WDR49: variants seen among roughly 807,000 people sequenced by gnomAD.
WDR49 encodes cilia- and flagella-associated protein 337.
In WDR49, 107 loss-of-function variants were observed where a neutral mutation model predicts 119.5. That is an observed-to-expected ratio of 0.90 (90% CI 0.77 to 1.05). WDR49 has a LOEUF of 1.05. WDR49 is among the 50% of genes least tolerant of loss of function. WDR49 has a pLI of 0.00. For synonymous variants in WDR49, 425 were observed against 418.8 expected (o/e 1.01, Z -0.18); for missense variants, 1,240 against 1,220.5 (o/e 1.02, Z -0.24).
chr3:167,623,861 G>A (rs1285607169), intron 3 of WDR49, among the ~76,000 whole-genome samples: 4 of 151,958 alleles, frequency 2.6e-5, no homozygotes, highest in Non-Finnish European at 4.4e-5. Context: ...TCAGAAAGAT[G>A]CAGAATATAT....
At chr3:167,517,441 A>C (rs566964680) in intron 16 of WDR49, among the ~76,000 whole-genome samples, 1 of 152,336 alleles carries the variant, frequency 6.6e-6, no homozygotes, top group South Asian at 2.1e-4. Flanking sequence ...TATTTAATAA[A>C]TGGTGCTAGG....
chr3:167,652,517 G>A (rs946011401), intron 2 of WDR49, among the ~76,000 whole-genome samples: 22 of 152,144 alleles, frequency 1.4e-4, no homozygotes, highest in Non-Finnish European at 2.9e-4. Flanking sequence ...CTACGTCATG[G>A]AAGAGCACTT....
At chr3:167,522,612 A>G (rs1232551769) in intron 15 of WDR49, 128 bp from the exon 16 acceptor site, 1 of 858,170 alleles carries the variant, frequency 1.2e-6, no homozygotes. Context: ...GATGAAAAAG[A>G]TATGACTCCG....
At chr3:167,512,134 A>T (rs1248792855) in intron 16 of WDR49, among the ~76,000 whole-genome samples, 1 of 152,160 alleles carries the variant, frequency 6.6e-6, no homozygotes, top group Non-Finnish European at 1.5e-5. Flanking sequence ...AGGGTCCCTG[A>T]TTCTGTGCCT....
intron 8 of WDR49, among the ~76,000 whole-genome samples, chr3:167,567,065 T>C (rs1327748677): frequency 6.6e-6 from 1 of 152,158 alleles, no homozygotes; most frequent in African/African-American, 2.4e-5. Context: ...TTCTTTTCTC[T>C]AAAAATGTTT....
intron 16 of WDR49, among the ~76,000 whole-genome samples, chr3:167,507,624 A>T (rs549168956): frequency 6.6e-6 from 1 of 151,978 alleles, no homozygotes; most frequent in African/African-American, 2.4e-5. Flanking sequence ...TTTTTTTTCC[A>T]AAACACTCTA....
intron 16 of WDR49, among the ~76,000 whole-genome samples, chr3:167,520,257 T>G (rs922593837): frequency 6.6e-6 from 1 of 150,658 alleles, no homozygotes. Flanking sequence ...AAAAAAAAAA[T>G]GTTTAAAGGA....
intron 17 of WDR49, among the ~76,000 whole-genome samples, chr3:167,502,912 T>A (rs959563308): frequency 4.6e-5 from 7 of 152,252 alleles, no homozygotes; most frequent in Non-Finnish European, 8.8e-5. Flanking sequence ...AAGAGAGAAA[T>A]TCAAGCAGGC....
intron 10 of WDR49, among the ~76,000 whole-genome samples, chr3:167,550,597 T>C (rs1185699588): frequency 6.6e-6 from 1 of 151,984 alleles, no homozygotes; most frequent in East Asian, 1.9e-4. Flanking sequence ...GTTAATTAGT[T>C]TGATTTAATC....
chr3:167,657,347 A>C (rs1718629450), upstream of WDR49, among the ~76,000 whole-genome samples: 1 of 152,196 alleles, frequency 6.6e-6, no homozygotes, highest in Admixed American at 6.5e-5. Context: ...GGTCCAAAAA[A>C]GCTTCCAACT....
At chr3:167,513,030 C>A (rs1752046797) in intron 16 of WDR49, among the ~76,000 whole-genome samples, 1 of 152,190 alleles carries the variant, frequency 6.6e-6, no homozygotes, top group South Asian at 2.1e-4. Flanking sequence ...AAACATACTT[C>A]AGGATATCAT....
At chr3:167,529,957 T>C (rs1040543111) in intron 13 of WDR49, among the ~76,000 whole-genome samples, 25 of 152,248 alleles carry the variant, frequency 1.6e-4, no homozygotes, top group African/African-American at 6.0e-4. Flanking sequence ...TAAACAATCA[T>C]ATCTATTTAA....
chr3:167,491,245 G>A (rs558311491), intron 18 of WDR49, among the ~76,000 whole-genome samples: 1 of 152,232 alleles, frequency 6.6e-6, no homozygotes, highest in African/African-American at 2.4e-5. Context: ...GTTCAGCAAT[G>A]AGTGATATTC....
intron 10 of WDR49, among the ~76,000 whole-genome samples, chr3:167,549,033 T>C (rs1712382724): frequency 6.6e-6 from 1 of 152,200 alleles, no homozygotes; most frequent in Non-Finnish European, 1.5e-5. Context: ...CATCCTTTTT[T>C]ATGGCTGCAT....
At chr3:167,564,508 C>T (rs988582979) in intron 8 of WDR49, among the ~76,000 whole-genome samples, 37 of 152,164 alleles carry the variant, frequency 2.4e-4, no homozygotes, top group African/African-American at 8.9e-4. Flanking sequence ...TAAGTCTTGG[C>T]GTCACATGTC....
intron 7 of WDR49, among the ~76,000 whole-genome samples, chr3:167,599,171 G>A (rs1013448027): frequency 3.8e-4 from 58 of 152,296 alleles, no homozygotes; most frequent in African/African-American, 1.4e-3. Context: ...TCCCTTCAGG[G>A]CAGTTAGTTC....
chr3:167,618,635 T>C (rs1005285797), intron 5 of WDR49, among the ~76,000 whole-genome samples: 4 of 152,210 alleles, frequency 2.6e-5, no homozygotes, highest in Non-Finnish European at 5.9e-5. Context: ...TAGTTCCTTA[T>C]ATATACATAA....
At chr3:167,556,711 C>A (rs1249828251) in intron 9 of WDR49, among the ~76,000 whole-genome samples, 2 of 152,002 alleles carry the variant, frequency 1.3e-5, no homozygotes, top group Non-Finnish European at 2.9e-5. Flanking sequence ...CATGGTGAAA[C>A]CCTGTCTCCA....
chr3:167,621,642 A>T lies in WDR49; in HGVS notation c.608T>A (p.Ile203Lys). The T allele has an allele frequency of 6.5e-7, 1 of 1,527,700 alleles. No homozygotes were observed. The highest frequency in any genetic ancestry group is 8.7e-7 in the Non-Finnish European group (1 of 1,143,366). 94.6% of individuals were successfully genotyped at this position (1,527,700 alleles called of 1,614,324 possible). ...CTCTTTACTTGTAAAAGCCACTGCTATCTAAAGTAGCAGAGTAGAAAATCA... is the reference window on the plus strand; with the variant it reads ...CTCTTTACTTGTAAAAGCCACTGCTTTCTAAAGTAGCAGAGTAGAAAATCA... ...SLVSLENVNK[I>K]AVAFTSKEVC... is the part of the protein sequence containing the mutation. The change falls in exon 4 of 19, where the codon ATA (isoleucine) becomes AAA (lysine). Residue 203 changes from isoleucine (I) to lysine (K), a missense_variant and splice_region_variant. Physicochemically the swap from Ile to Lys is moderately radical, Grantham distance 102. Coordinates refer to ENST00000682715, the MANE Select transcript of WDR49 (RefSeq NM_001366157.1).
Sources: gnomAD v4.1 joint callset for allele counts (sites outside exome capture counted in the v4.1 genomes callset) on GRCh38, gnomAD v4.1.1 for gene constraint, MANE v1.5 for transcripts, NCBI Gene and HGNC (gene_info 2026-07-23, HGNC 2026-07-21) for gene names.